The following MYBPH variants were observed in gnomAD, a reference collection of about 807,000 sequenced individuals.
MYBPH encodes myosin binding protein H.
A neutral mutation model predicts 53.6 loss-of-function variants in MYBPH; 49 were observed. The observed-to-expected ratio is 0.91, with a 90% CI of 0.73 to 1.16. The LOEUF (loss-of-function observed/expected upper bound fraction) is 1.16. Among genes scored for constraint, MYBPH ranks in the 50% most tolerant of loss-of-function variants. The probability of loss-of-function intolerance (pLI) is 0.00; values close to 1 mark genes in which losing one functional copy is unlikely to be tolerated. For synonymous variants in MYBPH, 239 were observed against 249.6 expected, an observed-to-expected ratio of 0.96 and a Z score of 0.40; for missense variants, 558 against 624.1, an observed-to-expected ratio of 0.89 and a Z score of 1.13.
intron 3 of MYBPH, chr1:203,174,216 T>G (rs1655754059): frequency 1.3e-6 from 1 of 779,860 alleles, no homozygotes; most frequent in African/African-American, 1.9e-5. Flanking sequence ...GCTGGACCAC[T>G]CAGGGAAATG....
rs1471695272 is a variant in MYBPH, at chr1:203,168,973, C to A, written c.1350G>T (p.Gly450=). ...CATTTATGGCCTTGCAGGTGTAGAC[C>A]CCAGAATCAAAGGGGCTGGGTTTCC... is the stretch of plus-strand genomic sequence containing the variant. ...EIRKPSPFDS[G]VYTCKAINVL... The change falls in exon 9 of 11, where the codon GGG becomes GGT. Residue 450 remains glycine, a synonymous_variant. Transcript: ENST00000255416. 6.2e-7 allele frequency: 1 copy of A among 1,614,020 alleles called. No individual in the cohort carries two copies. Among genetic ancestry groups the A allele is most frequent in the Non-Finnish European group, 8.5e-7 (1 of 1,180,040 alleles).
chr1:203,168,616 A>G lies in MYBPH; in HGVS notation c.*32+11T>C. 4.5e-6 allele frequency: 7 copies of G among 1,551,084 alleles called. No individual in the cohort carries two copies. Among genetic ancestry groups the G allele is most frequent in the Non-Finnish European group, 5.2e-6 (6 of 1,146,780 alleles). On this transcript the variant is annotated intron_variant, in intron 10 of 10. Transcript: ENST00000255416. ...ACAGAGGTAACAGAGTGGGTGGGTC[A>G]GGCCATTTACCTGGCTCCTCATCAC...
In MYBPH at chr1:203,175,421, CA is replaced by C. The variant is rs1235488784; in HGVS notation, c.245del (p.Val82GlyfsTer6). 6.4e-7 allele frequency: 1 copy of C among 1,559,072 alleles called. No individual in the cohort carries two copies. Among genetic ancestry groups the C allele is most frequent in the Admixed American group, 1.9e-5 (1 of 53,818 alleles). ...SAPLLLTLDD[V>X]SSSSVTVSWE... is the part of the protein sequence containing the mutation. The stretch of plus-strand genomic sequence containing the variant: ...AGCTCACAGTCACAGAGCTGCTGCT[CA>C]CATCATCCAGGGTCAGCAGCAGTGG... On this transcript the variant is annotated frameshift_variant, in exon 2 of 11. Transcript: ENST00000255416. LOFTEE classifies it high-confidence loss of function.
chr1:203,167,931 A>G lies in MYBPH; in HGVS notation c.*193T>C, dbSNP rs1183428141. On this transcript the variant is annotated 3_prime_UTR_variant, in exon 11 of 11. Transcript: ENST00000255416. ...GCCCAGTTAGTCTGGCCTGGGGCCT[A>G]CCAGGCCCATTCCTGAGTTCTGGAC... 1.3e-5 allele frequency: 2 copies of G among 154,680 alleles called. No homozygotes were observed. Among genetic ancestry groups the G allele is most frequent in the African/African-American group, 4.8e-5 (2 of 41,444 alleles). The allele number at this position is 154,680 out of a possible 1,614,324, so 9.6% of individuals were successfully genotyped here. A position where few individuals can be genotyped will look rare whatever the true frequency, so the allele number is the denominator to read the frequency against.
intron 6 of MYBPH, 76 bp downstream of exon 6, chr1:203,170,985 G>C: frequency 3.3e-6 from 5 of 1,506,564 alleles, no homozygotes; most frequent in Non-Finnish European, 4.4e-6. Flanking sequence ...TCGGTCCCTA[G>C]ACTCAGTGGG....
chr1:203,170,373 G>T lies in MYBPH; in HGVS notation c.1011C>A (p.Ser337=). The T allele has an allele frequency of 6.2e-7, 1 of 1,614,230 alleles. No individual in the cohort carries two copies. Among genetic ancestry groups the T allele is most frequent in the Non-Finnish European group, 8.5e-7 (1 of 1,180,026 alleles). Residue 337 remains serine, a synonymous_variant, in exon 7 of 11, where the codon TCC becomes TCA. Coordinates refer to ENST00000255416, the MANE Select transcript of MYBPH (RefSeq NM_004997.3). ...ISDLIIGNSY[S]FRVFSENLCG... ...ACAGGTTTTCTGAGAAGACCCGGAA[G>T]GAGTACGAGTTGCCGATGATGAGGT...
In MYBPH at chr1:203,170,379, C is replaced by T. The variant is rs768831391; in HGVS notation, c.1005G>A (p.Ser335=). ...CTISDLIIGN[S]YSFRVFSENL... Reference sequence around the variant, plus strand: ...TTTCTGAGAAGACCCGGAAGGAGTACGAGTTGCCGATGATGAGGTCAGAGA... The same window carrying T: ...TTTCTGAGAAGACCCGGAAGGAGTATGAGTTGCCGATGATGAGGTCAGAGA... Residue 335 remains serine, a synonymous_variant, in exon 7 of 11, where the codon TCG becomes TCA. Coordinates refer to ENST00000255416, the MANE Select transcript of MYBPH (RefSeq NM_004997.3). 30 of 1,614,044 alleles carry T rather than the reference C, an allele frequency of 1.9e-5. No homozygotes were observed. Among genetic ancestry groups the T allele is most frequent in the South Asian group, 8.8e-5 (8 of 91,086 alleles).
At chr1:203,178,273 A>G (rs1370630667), upstream of MYBPH, among the ~76,000 whole-genome samples, 2 of 152,174 alleles carry the variant, frequency 1.3e-5, no homozygotes, top group African/African-American at 4.8e-5. Flanking sequence ...GAGCAGAGGT[A>G]CTTTGATCTC....
In MYBPH at chr1:203,169,351, A is replaced by G. The variant is rs1164377600; in HGVS notation, c.1132T>C (p.Phe378Leu). ...TGGGTGAATGAGGGGGCTTCTGAGAAGTCTCGCTCAATAAACCCTTTAGGT... is the reference window on the plus strand; with the variant it reads ...TGGGTGAATGAGGGGGCTTCTGAGAGGTCTCGCTCAATAAACCCTTTAGGT... ...AKPKGFIERD[F>L]SEAPSFTQPL... Residue 378 changes from phenylalanine (F) to leucine (L), a missense_variant, in exon 8 of 11, where the codon TTC becomes CTC. Phe to Leu is a conservative substitution (Grantham distance 22, BLOSUM62 0). Coordinates refer to ENST00000255416, the MANE Select transcript of MYBPH (RefSeq NM_004997.3). The G allele has an allele frequency of 1.2e-6, 2 of 1,602,546 alleles. No individual in the cohort carries two copies. Among genetic ancestry groups the G allele is most frequent in the Admixed American group, 1.7e-5 (1 of 58,132 alleles).
rs142531472 is a variant in MYBPH at position 203,168,667 on chromosome 1, C to T, written c.1426G>A (p.Ala476Thr). ...AGCCTCCTCCCGTGACTTCAGTGTG[C>T]GGCTGAGGCTGGAAGAGATGCTGCA... ...DCRLEVKASA[A>T]H The change falls in exon 10 of 11, where the codon GCA becomes ACA. Residue 476 changes from alanine (A) to threonine (T), a missense_variant. Transcript: ENST00000255416. 6.4e-6 allele frequency: 10 copies of T among 1,559,350 alleles called. No homozygotes were observed. Among genetic ancestry groups the T allele is most frequent in the African/African-American group, 2.7e-5 (2 of 73,210 alleles).
chr1:203,169,005 C>G lies in MYBPH; in HGVS notation c.1318G>C (p.Glu440Gln). ...TCAAAGGGGCTGGGTTTCCGGATCTCTAGGGTGCAGACGCCTTGCTCAGAG... is the reference window on the plus strand; with the variant it reads ...TCAAAGGGGCTGGGTTTCCGGATCTGTAGGGTGCAGACGCCTTGCTCAGAG... ...ALSEQGVCTL[E>Q]IRKPSPFDSG... Residue 440 changes from glutamate (E) to glutamine (Q), a missense_variant, in exon 9 of 11, where the codon GAG (glutamate) becomes CAG (glutamine). Transcript: ENST00000255416. 6.2e-7 allele frequency: 1 copy of G among 1,613,924 alleles called. No homozygotes were observed. The highest frequency in any genetic ancestry group is 8.5e-7 in the Non-Finnish European group (1 of 1,180,024).
rs141817052 is a variant in MYBPH at position 203,173,826 on chromosome 1, G to A, written c.508+604C>T. On this transcript the variant is annotated intron_variant, in intron 3 of 10. Transcript: ENST00000255416. ...AACAGACTGAAACCCGATCAGCTCC[G>A]GGAGGGGAGCGAGGGGAGGATTGAG... 2.8e-4 allele frequency among the ~76,000 whole-genome samples: 42 copies of A among 152,384 alleles called. No individual in the cohort carries two copies. The East Asian group carries it at 8.1e-3, about 29-fold the overall frequency.
chr1:203,170,561 G>T (rs906811702), intron 6 of MYBPH, 111 bp from the exon 7 acceptor site: 3 of 1,389,356 alleles, frequency 2.2e-6, no homozygotes, highest in African/African-American at 2.9e-5. Flanking sequence ...ACCTTAGGAT[G>T]CTGAACCATC....
intron 10 of MYBPH, 63 bp downstream of exon 10, chr1:203,168,564 G>A: frequency 6.7e-7 from 1 of 1,493,594 alleles, no homozygotes; most frequent in Admixed American, 2.0e-5. Context: ...CCCTGCTCCT[G>A]GCCTCCTCTC....
chr1:203,174,240 C>T, intron 3 of MYBPH, 190 bp downstream of exon 3: 1 of 911,762 alleles, frequency 1.1e-6, no homozygotes, highest in Non-Finnish European at 1.3e-6. Flanking sequence ...TCTTAGACCT[C>T]CAGAGGCCCC....
rs565786914 is a variant in MYBPH at position 203,173,638 on chromosome 1, A to C, written c.508+792T>G. On this transcript the variant is annotated intron_variant, in intron 3 of 10. Coordinates refer to ENST00000255416, the MANE Select transcript of MYBPH (RefSeq NM_004997.3). ...TCCTGTGGATCCCCTCTCCTTCTGGAGGCCTTGTCTAGAGCTACCAGAAAT... is the reference window on the plus strand; with the variant it reads ...TCCTGTGGATCCCCTCTCCTTCTGGCGGCCTTGTCTAGAGCTACCAGAAAT... Among the ~76,000 whole-genome samples the C allele has an allele frequency of 2.0e-5, 3 of 152,264 alleles. No individual in the cohort carries two copies. In the South Asian group the frequency reaches 6.2e-4, roughly 32 times the overall value.
At chr1:203,177,223 G>T (rs1655828971), upstream of MYBPH, among the ~76,000 whole-genome samples, 1 of 152,368 alleles carries the variant, frequency 6.6e-6, no homozygotes, top group Non-Finnish European at 1.5e-5. Context: ...GATGGCGATT[G>T]CCTCTAGGTG....
chr1:203,171,870 A>G lies in MYBPH; in HGVS notation c.597+82T>C. ...CTGGGTCTCAGCTGGACCCTTGGAG[A>G]CCCTGCCATCTCCCAGGCTCCCCTT... On this transcript the variant is annotated intron_variant, in intron 4 of 10. Coordinates refer to ENST00000255416, the MANE Select transcript of MYBPH (RefSeq NM_004997.3). This position sits in a 1 kb window ranked among gnomAD's most constrained non-coding sequence, Gnocchi z 4.2. 1.1e-6 allele frequency: 1 copy of G among 909,106 alleles called. No individual in the cohort carries two copies. The highest frequency in any genetic ancestry group is 1.5e-6 in the Non-Finnish European group (1 of 666,940). 56.3% of individuals were successfully genotyped at this position (909,106 alleles called of 1,614,324 possible).
At chr1:203,177,469 CACCAGGG>C (rs1655835193), upstream of MYBPH, among the ~76,000 whole-genome samples, 1 of 152,238 alleles carries the variant, frequency 6.6e-6, no homozygotes, top group African/African-American at 2.4e-5. Flanking sequence ...GGACTGGGGA[CACCAGGG>C]TGTGGCTGCC....
Sources: gnomAD v4.1 joint callset for allele counts (sites outside exome capture counted in the v4.1 genomes callset) on GRCh38, gnomAD v4.1.1 for gene constraint, Gnocchi (gnomAD v3.1) non-coding constraint, MANE v1.5 for transcripts, NCBI Gene and HGNC (gene_info 2026-07-23, HGNC 2026-07-21) for gene names.